ZFP64: variants seen among roughly 807,000 people sequenced by gnomAD.
The protein encoded by ZFP64 is ZFP64 zinc finger protein.
Under a neutral mutation model 51.6 loss-of-function variants are expected in ZFP64, and 14 were observed. That is an observed-to-expected ratio of 0.27 (90% CI 0.18 to 0.42). The LOEUF (loss-of-function observed/expected upper bound fraction) is 0.42. ZFP64 is among the 10% of genes least tolerant of loss of function. The pLI, the probability that ZFP64 is intolerant of heterozygous loss-of-function variation, is 1.00. For synonymous variants in ZFP64, 375 were observed against 361.4 expected, an observed-to-expected ratio of 1.04 and a Z score of -0.43; for missense variants, 754 against 906.8, an observed-to-expected ratio of 0.83 and a Z score of 2.16.
intron 2 of ZFP64, among the ~76,000 whole-genome samples, chr20:52,183,502 G>A (rs1032892942): frequency 2.0e-5 from 3 of 152,154 alleles, no homozygotes; most frequent in Non-Finnish European, 4.4e-5. Flanking sequence ...CTGAAGTTCC[G>A]ATGGGACCTT....
intron 5 of ZFP64, among the ~76,000 whole-genome samples, chr20:52,108,303 C>T (rs1005650473): frequency 7.2e-5 from 11 of 152,076 alleles, no homozygotes; most frequent in African/African-American, 2.7e-4. Flanking sequence ...TTTTTGCCAA[C>T]TATATTGATA....
Position 52,160,417 on chromosome 20 carries a change from T to C in ZFP64, c.512-43A>G, listed in dbSNP as rs1440516638. ...CACAGATGGCAGCAGGAAACAAGATTAAAAAAGGAAAAGGCTTATTTCCCA... is the reference window on the plus strand; with the variant it reads ...CACAGATGGCAGCAGGAAACAAGATCAAAAAAGGAAAAGGCTTATTTCCCA... On this transcript the variant is annotated intron_variant, in intron 4 of 5. Coordinates refer to ENST00000216923, the MANE Select transcript of ZFP64 (RefSeq NM_018197.3). This position sits in a 1 kb window ranked among gnomAD's most constrained non-coding sequence, Gnocchi z 4.2. 6.4e-7 allele frequency: 1 copy of C among 1,554,696 alleles called. No individual in the cohort carries two copies. The highest frequency in any genetic ancestry group is 1.2e-5 in the South Asian group (1 of 82,096).
chr20:52,189,748 A>G (rs1480397417), intron 1 of ZFP64, among the ~76,000 whole-genome samples: 1 of 152,134 alleles, frequency 6.6e-6, no homozygotes, highest in African/African-American at 2.4e-5. Flanking sequence ...TGCTAGGATT[A>G]CAGGCGTGAG....
chr20:52,124,189 A>T (rs1979334260), intron 5 of ZFP64, among the ~76,000 whole-genome samples: 1 of 127,086 alleles, frequency 7.9e-6, no homozygotes, highest in South Asian at 2.7e-4. Flanking sequence ...ACATTGTTAA[A>T]TGTAAAAAAA....
At chr20:52,187,520 G>A (rs1339861484) in intron 1 of ZFP64, among the ~76,000 whole-genome samples, 8 of 152,144 alleles carry the variant, frequency 5.3e-5, no homozygotes, top group African/African-American at 1.9e-4. Flanking sequence ...TACTCAGGAG[G>A]CTGAGGCAGG....
At chr20:52,186,089 G>T (rs1308466043) in intron 2 of ZFP64, among the ~76,000 whole-genome samples, 1 of 152,090 alleles carries the variant, frequency 6.6e-6, no homozygotes, top group African/African-American at 2.4e-5. Flanking sequence ...TGCCTCCTTT[G>T]GTAGGCATAT....
intron 5 of ZFP64, among the ~76,000 whole-genome samples, chr20:52,144,380 C>G (rs1266985734): frequency 7.0e-6 from 1 of 143,054 alleles, no homozygotes; most frequent in Non-Finnish European, 1.6e-5. Flanking sequence ...GAGATCAAGA[C>G]TATCCTGGTC....
intron 5 of ZFP64, among the ~76,000 whole-genome samples, chr20:52,113,422 CT>C (rs936439409): frequency 2.4e-3 from 228 of 96,518 alleles, no homozygotes; most frequent in East Asian, 0.014. Context: ...GCCAGGAATT[CT>C]TTTTTTTTTT....
intron 2 of ZFP64, among the ~76,000 whole-genome samples, chr20:52,178,190 A>G (rs1398975078): frequency 6.6e-6 from 1 of 152,140 alleles, no homozygotes; most frequent in Non-Finnish European, 1.5e-5. Flanking sequence ...TGCATTTTTC[A>G]CGGAAGCTTC....
At chr20:52,120,272 T>C (rs1384494969) in intron 5 of ZFP64, among the ~76,000 whole-genome samples, 1 of 152,140 alleles carries the variant, frequency 6.6e-6, no homozygotes, top group Non-Finnish European at 1.5e-5. Flanking sequence ...GGCACTTTGT[T>C]ATAGCAGTTA....
downstream of ZFP64, among the ~76,000 whole-genome samples, chr20:52,148,185 C>G (rs892078811): frequency 3.9e-5 from 6 of 152,080 alleles, no homozygotes; most frequent in African/African-American, 1.2e-4. Context: ...CTTTGTAAGT[C>G]TAAAAGATTA....
intron 2 of ZFP64, among the ~76,000 whole-genome samples, chr20:52,181,545 C>T (rs541423566): frequency 6.6e-5 from 10 of 152,226 alleles, no homozygotes; most frequent in African/African-American, 2.4e-4. Flanking sequence ...GCAGAGGAGA[C>T]ATAGGAGAAG....
chr20:52,105,851 T>TA (rs1176198915), intron 5 of ZFP64, among the ~76,000 whole-genome samples: 1 of 151,978 alleles, frequency 6.6e-6, no homozygotes, highest in Non-Finnish European at 1.5e-5. Flanking sequence ...GATGTTTTTT[T>TA]AAAAAAGCCG....
chr20:52,117,363 A>G (rs1005348014), intron 5 of ZFP64, among the ~76,000 whole-genome samples: 1 of 152,172 alleles, frequency 6.6e-6, no homozygotes, highest in Non-Finnish European at 1.5e-5. Context: ...TCACACCTGT[A>G]GTCCCAGCAC....
intron 2 of ZFP64, among the ~76,000 whole-genome samples, chr20:52,166,742 A>G (rs1345882971): frequency 6.6e-6 from 1 of 152,140 alleles, no homozygotes; most frequent in Non-Finnish European, 1.5e-5. Context: ...TGCCTGCCCT[A>G]GACTTCTTAA....
intron 5 of ZFP64, among the ~76,000 whole-genome samples, chr20:52,139,293 G>A (rs984957573): frequency 2.6e-5 from 4 of 152,156 alleles, no homozygotes; most frequent in Non-Finnish European, 5.9e-5. Context: ...AGGAAATGTG[G>A]TACGTACAGC....
chr20:52,109,189 C>T (rs1441107275), intron 5 of ZFP64, among the ~76,000 whole-genome samples: 12 of 151,244 alleles, frequency 7.9e-5, no homozygotes, highest in African/African-American at 2.2e-4. Context: ...CTCACTTTGT[C>T]GCCCAGGCTG....
chr20:52,143,147 T>C (rs1980359577), intron 5 of ZFP64, among the ~76,000 whole-genome samples: 1 of 143,740 alleles, frequency 7.0e-6, no homozygotes, highest in South Asian at 2.3e-4. Flanking sequence ...ATAACTTTTA[T>C]ATGCACTGGG....
rs1984393952 is a variant in ZFP64 at position 52,191,735 on chromosome 20, C to A, written c.-99G>T. On this transcript the variant is annotated 5_prime_UTR_variant, in exon 1 of 6. Transcript: ENST00000216923. The surrounding 1 kb of genome is among the most constrained non-coding windows in gnomAD (Gnocchi z 4.3). ...TTTTCCTTTTATTTTTCCACACCCC[C>A]CACCCTGCCTTCTCCCAACTCTGCG... 2 of 1,376,064 alleles carry A rather than the reference C, an allele frequency of 1.5e-6. No homozygotes were observed. Among genetic ancestry groups the A allele is most frequent in the African/African-American group, 1.5e-5 (1 of 67,284 alleles). 85.2% of individuals were successfully genotyped at this position (1,376,064 alleles called of 1,614,324 possible).
Sources: gnomAD v4.1 joint callset for allele counts (sites outside exome capture counted in the v4.1 genomes callset) on GRCh38, gnomAD v4.1.1 for gene constraint, Gnocchi (gnomAD v3.1) non-coding constraint, MANE v1.5 for transcripts, NCBI Gene and HGNC (gene_info 2026-07-23, HGNC 2026-07-21) for gene names.